RAPGEF4: variants seen among roughly 807,000 people sequenced by gnomAD.
RAPGEF4 encodes the protein Rap guanine nucleotide exchange factor 4.
A neutral mutation model predicts 147.9 loss-of-function variants in RAPGEF4; 66 were observed. The observed-to-expected ratio is 0.45, with a 90% CI of 0.37 to 0.55. The LOEUF is 0.55. RAPGEF4 is among the 20% of genes least tolerant of loss of function. The probability of loss-of-function intolerance (pLI) is 0.00; values close to 1 mark genes in which losing one functional copy is unlikely to be tolerated. For synonymous variants in RAPGEF4, 419 were observed against 442.7 expected, an observed-to-expected ratio of 0.95 and a Z score of 0.67; for missense variants, 1,071 against 1,257.3, an observed-to-expected ratio of 0.85 and a Z score of 2.24.
chr2:173,051,195 G>C (rs1686194974), intron 30 of RAPGEF4, among the ~76,000 whole-genome samples: 1 of 152,206 alleles, frequency 6.6e-6, no homozygotes, highest in Non-Finnish European at 1.5e-5. Context: ...TCACTGGCTT[G>C]CTTCAGTTTG....
intron 4 of RAPGEF4, among the ~76,000 whole-genome samples, chr2:172,875,990 T>C (rs1695871254): frequency 6.6e-6 from 1 of 152,186 alleles, no homozygotes; most frequent in Non-Finnish European, 1.5e-5. Context: ...CCTAGGTATT[T>C]TATTCTCTTT....
intron 4 of RAPGEF4, among the ~76,000 whole-genome samples, chr2:172,870,393 A>G (rs1374561712): frequency 6.6e-6 from 1 of 152,186 alleles, no homozygotes; most frequent in East Asian, 1.9e-4. Flanking sequence ...TTTTTTGAAT[A>G]AGGACCCAAC....
In RAPGEF4 at chr2:173,011,170, G is replaced by GCGCGCGCACACACA. The variant is rs564434178; in HGVS notation, c.1659-3293_1659-3292insGCGCGCACACACAC. ...AACCTTGGAACTTCAGCGCGCGCGC[G>GCGCGCGCACACACA]CACACACACACACACACACACACAC... is the stretch of plus-strand genomic sequence containing the variant. On this transcript the variant is annotated intron_variant, in intron 17 of 30. Transcript: ENST00000397081. 2.9e-3 allele frequency among the ~76,000 whole-genome samples: 391 copies of GCGCGCGCACACACA among 133,546 alleles called. 3 individuals carry two copies. The highest frequency in any genetic ancestry group is 9.4e-3 in the African/African-American group (328 of 34,836). 87.6% of individuals were successfully genotyped at this position (133,546 alleles called of 152,430 possible). A position where few individuals can be genotyped will look rare whatever the true frequency, so the allele number is the denominator to read the frequency against.
chr2:172,856,150 G>T (rs1184049694), intron 4 of RAPGEF4, among the ~76,000 whole-genome samples: 1 of 152,020 alleles, frequency 6.6e-6, no homozygotes, highest in East Asian at 1.9e-4. Flanking sequence ...TCATTAAAAA[G>T]AATTTTCTCT....
intron 4 of RAPGEF4, chr2:172,917,469 C>T (rs1184984986): frequency 3.3e-6 from 2 of 600,736 alleles, no homozygotes; most frequent in East Asian, 3.8e-5. Context: ...CCTTTTCCCT[C>T]TACAAAAAGC....
chr2:172,898,384 C>A (rs551626495), intron 4 of RAPGEF4, among the ~76,000 whole-genome samples: 2 of 152,320 alleles, frequency 1.3e-5, no homozygotes, highest in Admixed American at 1.3e-4. Flanking sequence ...ACCAGACCGT[C>A]TTCTCTTTAC....
At chr2:173,018,005 T>C (rs1277545403) in intron 21 of RAPGEF4, among the ~76,000 whole-genome samples, 1 of 152,192 alleles carries the variant, frequency 6.6e-6, no homozygotes, top group Non-Finnish European at 1.5e-5. Context: ...ATAATAATGA[T>C]AAAAATTTCA....
intron 4 of RAPGEF4, among the ~76,000 whole-genome samples, chr2:172,865,139 G>A (rs116811508): frequency 6.6e-6 from 1 of 152,112 alleles, no homozygotes; most frequent in Non-Finnish European, 1.5e-5. Context: ...GGCTTCTGTG[G>A]CACATCCATC....
At chr2:173,041,071 A>G (rs1575588000) in intron 29 of RAPGEF4, among the ~76,000 whole-genome samples, 2 of 152,192 alleles carry the variant, frequency 1.3e-5, no homozygotes, top group East Asian at 3.8e-4. Flanking sequence ...TGAGAAGCAT[A>G]GGGCAAACTT....
At chr2:172,925,806 A>G (rs1685258670) in intron 6 of RAPGEF4, among the ~76,000 whole-genome samples, 2 of 149,984 alleles carry the variant, frequency 1.3e-5, no homozygotes, top group Admixed American at 6.7e-5. Flanking sequence ...AGAAAGAAAG[A>G]AAGAGAGAGA....
Position 173,018,675 on chromosome 2 carries a change from C to T in RAPGEF4, c.2028C>T (p.Cys676=). The T allele has an allele frequency of 6.2e-7, 1 of 1,614,040 alleles. No homozygotes were observed. Among genetic ancestry groups the T allele is most frequent in the Non-Finnish European group, 8.5e-7 (1 of 1,179,984 alleles). ...GSDEVLFKVY[C]MDHTYTTIRV... ...GGATAGTTCTGTTTAAGGTCTATTG[C>T]ATGGACCACACCTACACAACCATTC... is the stretch of plus-strand genomic sequence containing the variant. Residue 676 remains cysteine, a synonymous_variant, in exon 22 of 31, where the codon TGC becomes TGT. Transcript: ENST00000397081.
intron 23 of RAPGEF4, among the ~76,000 whole-genome samples, chr2:173,026,156 G>C (rs1348480032): frequency 1.3e-5 from 2 of 152,188 alleles, no homozygotes; most frequent in Non-Finnish European, 2.9e-5. Context: ...CACTGTGGAT[G>C]AACGTCCCAA....
chr2:172,805,477 A>G (rs1157742791), intron 3 of RAPGEF4, among the ~76,000 whole-genome samples: 12 of 152,132 alleles, frequency 7.9e-5, no homozygotes, highest in African/African-American at 2.9e-4. Flanking sequence ...TCTTACCACT[A>G]TGCGTAATTA....
chr2:172,817,973 T>TAC (rs1189901260), intron 4 of RAPGEF4, among the ~76,000 whole-genome samples: 2 of 148,418 alleles, frequency 1.3e-5, no homozygotes, highest in African/African-American at 4.9e-5. Flanking sequence ...TATATATATA[T>TAC]ATACACACAC....
intron 4 of RAPGEF4, chr2:172,860,095 C>CG: frequency 9.1e-6 from 9 of 985,168 alleles, no homozygotes; most frequent in Non-Finnish European, 1.1e-5. Context: ...AGGATGCATA[C>CG]GCAGAAACAT....
At chr2:172,865,343 A>G (rs887536263) in intron 4 of RAPGEF4, among the ~76,000 whole-genome samples, 2 of 152,144 alleles carry the variant, frequency 1.3e-5, no homozygotes, top group African/African-American at 4.8e-5. Flanking sequence ...TCCTGCCAAC[A>G]AATCAATTAC....
chr2:172,917,682 T>C, intron 4 of RAPGEF4, 120 bp from the exon 5 acceptor site: 2 of 839,570 alleles, frequency 2.4e-6, no homozygotes, highest in Non-Finnish European at 4.0e-6. Context: ...TTCATGGCTC[T>C]ATAAATACAA....
At chr2:172,759,827 A>G (rs1418006659) in intron 1 of RAPGEF4, among the ~76,000 whole-genome samples, 2 of 152,222 alleles carry the variant, frequency 1.3e-5, no homozygotes, top group Admixed American at 6.5e-5. Flanking sequence ...AGTGGATTCA[A>G]TTCTTCCTAT....
intron 4 of RAPGEF4, among the ~76,000 whole-genome samples, chr2:172,871,577 T>C (rs1165191838): frequency 6.6e-6 from 1 of 151,372 alleles, no homozygotes; most frequent in African/African-American, 2.4e-5. Flanking sequence ...TCCCATTTCA[T>C]AGACCTCACT....
Sources: allele counts gnomAD v4.1 joint callset (sites outside exome capture counted in the v4.1 genomes callset), GRCh38; gene constraint gnomAD v4.1.1; transcripts MANE v1.5; gene names NCBI Gene and HGNC (gene_info 2026-07-23, HGNC 2026-07-21).